The following ERICH2 variants were observed in gnomAD, a reference collection of about 807,000 sequenced individuals.
ERICH2 encodes the protein glutamate-rich protein 2.
A neutral mutation model predicts 17.4 loss-of-function variants in ERICH2; 17 were observed. The observed-to-expected ratio is 0.98, with a 90% confidence interval of 0.67 to 1.47. The LOEUF (loss-of-function observed/expected upper bound fraction) is 1.47. Among genes scored for constraint, ERICH2 ranks in the 40% most tolerant of loss-of-function variants. ERICH2 has a pLI of 0.00. For missense variants in ERICH2, 186 were observed against 183.2 expected, an observed-to-expected ratio of 1.01 and a Z score of -0.09; for synonymous variants, 51 against 61.1, an observed-to-expected ratio of 0.83 and a Z score of 0.77.
chr2:170,795,964 T>C (rs1238912553), intron 3 of ERICH2, among the ~76,000 whole-genome samples: 1 of 152,330 alleles, frequency 6.6e-6, no homozygotes, highest in South Asian at 2.1e-4. Context: ...AATACAGATA[T>C]ACTGTATCTT....
At chr2:170,790,488 A>G (rs1357251843) in intron 2 of ERICH2, among the ~76,000 whole-genome samples, 1 of 152,190 alleles carries the variant, frequency 6.6e-6, no homozygotes, top group Non-Finnish European at 1.5e-5. Context: ...TTAGCCAGGC[A>G]TGGTGGCAGG....
intron 2 of ERICH2, among the ~76,000 whole-genome samples, chr2:170,789,125 TA>T (rs1701223835): frequency 7.1e-6 from 1 of 141,134 alleles, no homozygotes; most frequent in Non-Finnish European, 1.6e-5. Flanking sequence ...CATGCCTGGC[TA>T]ATTTTTTTTT....
intron 2 of ERICH2, among the ~76,000 whole-genome samples, chr2:170,787,372 C>G (rs1208445361): frequency 6.6e-6 from 1 of 152,182 alleles, no homozygotes; most frequent in African/African-American, 2.4e-5. Flanking sequence ...TTGACCCTTG[C>G]TTTTAAGCTT....
At chr2:170,771,751 A>C in the ERICH2 span, among the ~76,000 whole-genome samples, 1 of 152,246 alleles carries the variant, frequency 6.6e-6, no homozygotes, top group Non-Finnish European at 1.5e-5. This position sits in a 1 kb window ranked among gnomAD's most constrained non-coding sequence, Gnocchi z 4.8. Context: ...TTATGAGATG[A>C]TGAAATTGAC....
At chr2:170,786,995 A>T (rs778286120) in intron 2 of ERICH2, among the ~76,000 whole-genome samples, 3 of 151,772 alleles carry the variant, frequency 2.0e-5, no homozygotes, top group African/African-American at 7.3e-5. Flanking sequence ...TCTCCTGCTT[A>T]TGGGTCTTAT....
At chr2:170,798,195 G>C (rs541320887) in intron 4 of ERICH2, 83 bp downstream of exon 9, 16 of 928,902 alleles carry the variant, frequency 1.7e-5, no homozygotes, top group African/African-American at 1.3e-4. Flanking sequence ...GGAGATTGTC[G>C]ATACATCTTT....
At chr2:170,797,966 T>C in intron 3 of ERICH2, 75 bp from the exon 9 acceptor site, 1 of 996,776 alleles carries the variant, frequency 1.0e-6, no homozygotes, top group Non-Finnish European at 1.5e-6. Flanking sequence ...ACAGTTCAAT[T>C]TCATTCTAAG....
At chr2:170,770,805 G>C in the ERICH2 span, 2 of 154,250 alleles carry the variant, frequency 1.3e-5, no homozygotes, top group African/African-American at 2.4e-5. Flanking sequence ...ACCCACAACC[G>C]CGGGGCTGTC....
intron 1 of ERICH2, 93 bp from the exon 7 acceptor site, chr2:170,784,553 A>G: frequency 1.8e-6 from 1 of 571,014 alleles, no homozygotes; most frequent in South Asian, 4.2e-5. Flanking sequence ...TTTTATTAAT[A>G]TATCAGTTTA....
At chr2:170,779,019 G>A (rs910532484), upstream of ERICH2, among the ~76,000 whole-genome samples, 10 of 152,164 alleles carry the variant, frequency 6.6e-5, no homozygotes, top group African/African-American at 2.4e-4. Flanking sequence ...AGGTCAAAAT[G>A]ATCATTTCCC....
chr2:170,773,922 G>C, the ERICH2 span, among the ~76,000 whole-genome samples: 2 of 152,162 alleles, frequency 1.3e-5, no homozygotes, highest in Middle Eastern at 6.8e-3. Context: ...GAGTTTTGCT[G>C]TGTTCCCCAG....
At chr2:170,795,045 A>G (rs75629865) in intron 3 of ERICH2, among the ~76,000 whole-genome samples, 1,635 of 146,508 alleles carry the variant, frequency 0.011, 11 homozygotes, top group Middle Eastern at 0.022. Flanking sequence ...GCAGTGGCAC[A>G]ATGTCAGCCA....
At chr2:170,777,424 C>T in the ERICH2 span, 30 of 1,194,780 alleles carry the variant, frequency 2.5e-5, no homozygotes, top group South Asian at 8.6e-5. Flanking sequence ...TTGATCCAAA[C>T]GGTAAATGAT....
upstream of ERICH2, among the ~76,000 whole-genome samples, chr2:170,782,558 T>G (rs1701054157): frequency 6.6e-6 from 1 of 152,190 alleles, no homozygotes; most frequent in African/African-American, 2.4e-5. Flanking sequence ...AGGTATGAGA[T>G]CCATGGATAT....
upstream of ERICH2, among the ~76,000 whole-genome samples, chr2:170,780,738 G>A (rs979486163): frequency 6.6e-6 from 1 of 151,994 alleles, no homozygotes; most frequent in East Asian, 1.9e-4. Context: ...TACATAAAAC[G>A]ATGGTATGTC....
the ERICH2 span, chr2:170,778,294 CTATT>C: frequency 6.6e-6 from 1 of 152,122 alleles, no homozygotes; most frequent in Non-Finnish European, 1.5e-5. Context: ...AAAAAAATCT[CTATT>C]TATTCTATGA....
At chr2:170,783,762 CT>C (rs1701082181), upstream of ERICH2, 1 of 1,544,504 alleles carries the variant, frequency 6.5e-7, no homozygotes, top group Admixed American at 2.0e-5. Context: ...TCATTATGAC[CT>C]CCCTTGGTGA....
chr2:170,784,479 G>C (rs1701102835), intron 1 of ERICH2, among the ~76,000 whole-genome samples, 167 bp from the exon 7 acceptor site: 1 of 152,102 alleles, frequency 6.6e-6, no homozygotes, highest in African/African-American at 2.4e-5. Flanking sequence ...TTGATGTTGA[G>C]AGATTTAAAT....
chr2:170,781,117 G>A (rs1481130633), upstream of ERICH2, among the ~76,000 whole-genome samples: 1 of 152,100 alleles, frequency 6.6e-6, no homozygotes, highest in Admixed American at 6.6e-5. Flanking sequence ...TATTAAGGAT[G>A]TAACAACCTG....
Sources: allele counts gnomAD v4.1 joint callset (sites outside exome capture counted in the v4.1 genomes callset), GRCh38; gene constraint gnomAD v4.1.1; non-coding constraint Gnocchi (gnomAD v3.1); transcripts MANE v1.5; gene names NCBI Gene and HGNC (gene_info 2026-07-23, HGNC 2026-07-21).